CAMKMT: variants seen among roughly 807,000 people sequenced by gnomAD.
CAMKMT encodes the protein CaM KMT.
In CAMKMT, 53 loss-of-function variants were observed where a neutral mutation model predicts 48.0. The observed-to-expected ratio is 1.10, with a 90% CI of 0.89 to 1.39. The LOEUF is 1.39. Among genes scored for constraint, CAMKMT ranks in the 40% most tolerant of loss-of-function variants. The probability of loss-of-function intolerance (pLI) is 0.00; values close to 1 mark genes in which losing one functional copy is unlikely to be tolerated. For synonymous variants in CAMKMT, 165 were observed against 152.3 expected (o/e 1.08, Z -0.61); for missense variants, 428 against 402.7 (o/e 1.06, Z -0.54).
At chr2:44,606,686 C>A (rs1330939233) in intron 3 of CAMKMT, among the ~76,000 whole-genome samples, 1 of 151,608 alleles carries the variant, frequency 6.6e-6, no homozygotes, top group African/African-American at 2.4e-5. Flanking sequence ...AGGTGAATCC[C>A]CAAACTTAAA....
chr2:44,484,820 T>A (rs1466297941), intron 3 of CAMKMT, among the ~76,000 whole-genome samples: 1 of 152,026 alleles, frequency 6.6e-6, no homozygotes, highest in East Asian at 1.9e-4. Flanking sequence ...GTATTTGAAA[T>A]GCATATAACT....
intron 3 of CAMKMT, among the ~76,000 whole-genome samples, chr2:44,579,991 G>T (rs1471657810): frequency 1.3e-5 from 2 of 151,950 alleles, no homozygotes; most frequent in East Asian, 3.9e-4. Context: ...GTTTTTTTTA[G>T]ACCCAATTCC....
At chr2:44,664,911 ATTC>A (rs1674876217) in intron 3 of CAMKMT, among the ~76,000 whole-genome samples, 1 of 152,214 alleles carries the variant, frequency 6.6e-6, no homozygotes, top group African/African-American at 2.4e-5. Context: ...GGTCACAGTG[ATTC>A]TCAGCTCTGG....
chr2:44,663,554 A>G (rs1573020284), intron 3 of CAMKMT, among the ~76,000 whole-genome samples: 1 of 152,326 alleles, frequency 6.6e-6, no homozygotes, highest in South Asian at 2.1e-4. Context: ...ACTCAAGTCC[A>G]TTTTCAGAAG....
At chr2:44,443,667 G>T (rs1666807308) in intron 3 of CAMKMT, among the ~76,000 whole-genome samples, 1 of 152,182 alleles carries the variant, frequency 6.6e-6, no homozygotes, top group Non-Finnish European at 1.5e-5. Flanking sequence ...GGTTGATCAT[G>T]CAGGGCTGGC....
chr2:44,542,531 ACACACACT>A lies in CAMKMT; in HGVS notation c.376+152228_376+152235del, dbSNP rs201482966. On this transcript the variant is annotated intron_variant, in intron 3 of 10. Coordinates refer to ENST00000378494, the MANE Select transcript of CAMKMT (RefSeq NM_024766.5). Reference sequence around the variant, plus strand: ...CACACACACACACACACACACACACACACACACTCTCTCTCTCTCTCTCTCTTTCTCTC... The same window carrying A: ...CACACACACACACACACACACACACACTCTCTCTCTCTCTCTCTTTCTCTC... 7.8e-3 allele frequency among the ~76,000 whole-genome samples: 473 copies of A among 60,266 alleles called. 5 individuals carry two copies. The highest frequency in any genetic ancestry group is 0.034 in the Admixed American group (233 of 6,808). 39.5% of individuals were successfully genotyped at this position (60,266 alleles called of 152,430 possible).
At chr2:44,582,697 C>T (rs1390674517) in intron 3 of CAMKMT, among the ~76,000 whole-genome samples, 1 of 152,096 alleles carries the variant, frequency 6.6e-6, no homozygotes, top group East Asian at 1.9e-4. Context: ...TGATCTCTTA[C>T]CCAAAATGTT....
Position 44,362,081 on chromosome 2 carries a change from G to A in CAMKMT, c.74G>A (p.Cys25Tyr), listed in dbSNP as rs775538387. The change falls in exon 1 of 11, where the codon TGC (cysteine) becomes TAC (tyrosine). Residue 25 changes from cysteine to tyrosine, a missense_variant. Cys to Tyr is a radical substitution (Grantham distance 194). Coordinates refer to ENST00000378494, the MANE Select transcript of CAMKMT (RefSeq NM_024766.5). ...RAAGGSPAVG[C>Y]TTRGPVVSAP... ...GCGGGCGGGAGTCCGGCAGTTGGCT[G>A]CACCACTCGGGGGCCCGTAGTCTCG... 7.6e-6 allele frequency: 11 copies of A among 1,455,624 alleles called. No homozygotes were observed. In the African/African-American group the frequency reaches 1.5e-4, roughly 20 times the overall value. 90.2% of individuals were successfully genotyped at this position (1,455,624 alleles called of 1,614,324 possible).
chr2:44,722,663 C>A (rs1678535528), intron 7 of CAMKMT, among the ~76,000 whole-genome samples: 1 of 151,810 alleles, frequency 6.6e-6, no homozygotes, highest in African/African-American at 2.4e-5. Context: ...AAGTTTGAAA[C>A]ATTAAAAAAA....
At chr2:44,611,453 GTATC>G (rs1671595120) in intron 3 of CAMKMT, among the ~76,000 whole-genome samples, 1 of 150,616 alleles carries the variant, frequency 6.6e-6, no homozygotes, top group African/African-American at 2.4e-5. Flanking sequence ...AAAAAAAAAA[GTATC>G]TACCCAGATA....
intron 3 of CAMKMT, among the ~76,000 whole-genome samples, chr2:44,667,432 C>T (rs934994204): frequency 2.6e-5 from 4 of 152,222 alleles, no homozygotes; most frequent in Non-Finnish European, 4.4e-5. Flanking sequence ...TCACACATTT[C>T]TCCTGTCTCA....
rs116295432 is a variant in CAMKMT, at chr2:44,743,002, A to G, written c.624-620A>G. Among the ~76,000 whole-genome samples, 896 of 152,336 alleles carry G rather than the reference A, an allele frequency of 5.9e-3. 5 individuals carry two copies. The highest frequency in any genetic ancestry group is 9.0e-3 in the Non-Finnish European group (609 of 68,030). ...CTAAAAACCTCTGGTTGGCCTCATA[A>G]GCATTAGTAAAGTTTTCAAATGCAT... On this transcript the variant is annotated intron_variant, in intron 7 of 10. Transcript: ENST00000378494.
chr2:44,365,647 G>T (rs1678512679), intron 1 of CAMKMT, among the ~76,000 whole-genome samples: 2 of 152,176 alleles, frequency 1.3e-5, no homozygotes, highest in Non-Finnish European at 1.5e-5. Flanking sequence ...ACCAATTGCT[G>T]TGTCCAGAAT....
chr2:44,541,793 A>G (rs1161525180), intron 3 of CAMKMT, among the ~76,000 whole-genome samples: 1 of 151,676 alleles, frequency 6.6e-6, no homozygotes, highest in African/African-American at 2.4e-5. Context: ...AAAAGGATAC[A>G]TATATATTTT....
rs117133641 is a variant in CAMKMT, at chr2:44,645,104, C to T, written c.377-59179C>T. 2.8e-3 allele frequency among the ~76,000 whole-genome samples: 424 copies of T among 152,174 alleles called. 23 individuals carry two copies. In the East Asian group the frequency reaches 0.076, roughly 27 times the overall value. On this transcript the variant is annotated intron_variant, in intron 3 of 10. Transcript: ENST00000378494. ...TCTAGTAGGAGTACAAACAGATAAC[C>T]CAAGCTTAGTCCAGATTTGATTTGG... is the stretch of plus-strand genomic sequence containing the variant.
intron 1 of CAMKMT, among the ~76,000 whole-genome samples, chr2:44,368,201 T>G (rs1300638563): frequency 2.6e-5 from 4 of 152,194 alleles, no homozygotes; most frequent in African/African-American, 9.7e-5. Flanking sequence ...GACTATTCCT[T>G]CACCCCAGAT....
At chr2:44,394,991 T>C (rs1454513687) in intron 3 of CAMKMT, 2 of 446,452 alleles carry the variant, frequency 4.5e-6, no homozygotes, top group Non-Finnish European at 9.0e-6. Context: ...AGACTTTTCC[T>C]GTAAAAAAAA....
intron 3 of CAMKMT, among the ~76,000 whole-genome samples, chr2:44,565,212 A>G (rs1668548030): frequency 6.6e-6 from 1 of 152,220 alleles, no homozygotes; most frequent in South Asian, 2.1e-4. Context: ...ACCTTCAAAC[A>G]TTTTTATCCA....
At chr2:44,531,436 T>G (rs2104827513) in intron 3 of CAMKMT, among the ~76,000 whole-genome samples, 1 of 152,284 alleles carries the variant, frequency 6.6e-6, no homozygotes, top group South Asian at 2.1e-4. Context: ...TTAAGGTTCT[T>G]TAAATATCCT....
Sources: gnomAD v4.1 joint callset for allele counts (sites outside exome capture counted in the v4.1 genomes callset) on GRCh38, gnomAD v4.1.1 for gene constraint, MANE v1.5 for transcripts, NCBI Gene and HGNC (gene_info 2026-07-23, HGNC 2026-07-21) for gene names.